KL: variants seen among roughly 807,000 people sequenced by gnomAD.
The protein encoded by KL is alpha-klotho.
Under a neutral mutation model 84.2 loss-of-function variants are expected in KL, and 62 were observed. The observed-to-expected ratio is 0.74, with a 90% confidence interval of 0.60 to 0.91. The LOEUF is 0.91. KL is among the 40% of genes least tolerant of loss of function. KL has a pLI of 0.00. For synonymous variants in KL, 528 were observed against 528.0 expected (o/e 1.00, Z 0.00); for missense variants, 1,261 against 1,305.7 (o/e 0.97, Z 0.53).
chr13:33,021,709 C>G (rs1010433085), intron 1 of KL, among the ~76,000 whole-genome samples: 2 of 151,960 alleles, frequency 1.3e-5, no homozygotes, highest in Non-Finnish European at 1.5e-5. Context: ...ATGGTGAAAC[C>G]CCGTCTCTAC....
chr13:33,063,615 A>G (rs1428464790), intron 4 of KL, among the ~76,000 whole-genome samples: 1 of 151,970 alleles, frequency 6.6e-6, no homozygotes, highest in Non-Finnish European at 1.5e-5. Flanking sequence ...TACTAAAAAA[A>G]AAAATACAAA....
At chr13:33,056,465 A>C in intron 3 of KL, among the ~76,000 whole-genome samples, 1 of 152,116 alleles carries the variant, frequency 6.6e-6, no homozygotes, top group Middle Eastern at 3.2e-3. Flanking sequence ...TTTTCAGACC[A>C]CCCAGTTCAT....
chr13:33,045,550 G>T (rs940839315), intron 1 of KL, among the ~76,000 whole-genome samples: 1 of 152,088 alleles, frequency 6.6e-6, no homozygotes, highest in Middle Eastern at 3.4e-3. Context: ...GCGTGATCTC[G>T]GCTCATCACA....
At chr13:33,046,206 A>C (rs1871523519) in intron 1 of KL, among the ~76,000 whole-genome samples, 1 of 152,244 alleles carries the variant, frequency 6.6e-6, no homozygotes, top group Non-Finnish European at 1.5e-5. Flanking sequence ...GAAGAGCTTG[A>C]AAAGAGTCGT....
At chr13:33,060,054 C>G (rs949181488) in intron 3 of KL, among the ~76,000 whole-genome samples, 15 of 152,168 alleles carry the variant, frequency 9.9e-5, no homozygotes, top group Admixed American at 9.8e-4. Flanking sequence ...GCCTTGACCT[C>G]CCAGGCTTAG....
At chr13:33,036,853 A>C (rs1670451910) in intron 1 of KL, among the ~76,000 whole-genome samples, 1 of 151,430 alleles carries the variant, frequency 6.6e-6, no homozygotes, top group African/African-American at 2.5e-5. Flanking sequence ...GTAAAACAAA[A>C]TAAAATAAAC....
chr13:33,063,001 G>T (rs1241509072), intron 4 of KL, among the ~76,000 whole-genome samples: 1 of 151,978 alleles, frequency 6.6e-6, no homozygotes, highest in African/African-American at 2.4e-5. Context: ...GAAAATGGTG[G>T]TGTTAGCATG....
chr13:33,040,681 C>A (rs1258355888), intron 1 of KL, among the ~76,000 whole-genome samples: 3 of 152,104 alleles, frequency 2.0e-5, no homozygotes, highest in African/African-American at 7.2e-5. Context: ...TGATAGATAA[C>A]AAAAAGCGGT....
intron 4 of KL, among the ~76,000 whole-genome samples, chr13:33,063,121 G>A (rs1044927800): frequency 1.3e-5 from 2 of 151,986 alleles, no homozygotes; most frequent in African/African-American, 4.8e-5. Context: ...CTGGACAGGA[G>A]CTGCCCCAAG....
At chr13:33,041,117 T>C (rs1332203496) in intron 1 of KL, among the ~76,000 whole-genome samples, 1 of 152,100 alleles carries the variant, frequency 6.6e-6, no homozygotes, top group East Asian at 1.9e-4. Flanking sequence ...AACTTATCAA[T>C]CATTACCCAG....
chr13:33,028,355 A>G (rs766061453), intron 1 of KL, among the ~76,000 whole-genome samples: 15 of 152,202 alleles, frequency 9.9e-5, no homozygotes, highest in Non-Finnish European at 1.9e-4. Flanking sequence ...TTTGATACTT[A>G]TCTAAACTGT....
chr13:33,022,469 C>G (rs1343508782), intron 1 of KL, among the ~76,000 whole-genome samples: 1 of 152,182 alleles, frequency 6.6e-6, no homozygotes. Context: ...TAAAAACACA[C>G]AGCTTATTGA....
At chr13:33,050,259 A>G (rs1340352338) in intron 1 of KL, among the ~76,000 whole-genome samples, 1 of 152,264 alleles carries the variant, frequency 6.6e-6, no homozygotes, top group Non-Finnish European at 1.5e-5. Context: ...TCTTAAGACA[A>G]CAAGCCTATA....
intron 3 of KL, among the ~76,000 whole-genome samples, chr13:33,060,018 C>T (rs1367627220): frequency 1.3e-5 from 2 of 152,166 alleles, no homozygotes; most frequent in East Asian, 1.9e-4. Flanking sequence ...GGCCGATGTA[C>T]AGTGATGTGA....
Position 33,061,447 on chromosome 13 carries a change from A to C in KL, c.2368A>C (p.Thr790Pro). ...QRNNFLLPYF[T>P]EDEKKLIQGT... Reference sequence around the variant, plus strand: ...AAACAATTTTCTTCTTCCTTATTTCACTGAAGATGAAAAAAAGCTAATCCA... The same window carrying C: ...AAACAATTTTCTTCTTCCTTATTTCCCTGAAGATGAAAAAAAGCTAATCCA... Residue 790 changes from threonine to proline, a missense_variant, in exon 4 of 5, where the codon ACT becomes CCT. Transcript: ENST00000380099. The C allele has an allele frequency of 6.2e-7, 1 of 1,614,076 alleles. No homozygotes were observed.
chr13:33,029,703 G>A (rs919286909), intron 1 of KL, among the ~76,000 whole-genome samples: 12 of 152,100 alleles, frequency 7.9e-5, no homozygotes, highest in Non-Finnish European at 1.3e-4. Context: ...GCACAATCTC[G>A]GCTCACTCCA....
intron 1 of KL, among the ~76,000 whole-genome samples, chr13:33,040,204 T>G (rs1212954794): frequency 1.3e-5 from 2 of 152,214 alleles, no homozygotes; most frequent in African/African-American, 4.8e-5. Context: ...AAATTCTGTC[T>G]TAAGGAACTG....
intron 1 of KL, among the ~76,000 whole-genome samples, chr13:33,044,617 C>T (rs1482048475): frequency 7.7e-6 from 1 of 130,560 alleles, no homozygotes; most frequent in Non-Finnish European, 1.7e-5. Flanking sequence ...GTTTTCTGTT[C>T]ATATATAAAT....
At position 33,019,742 on chromosome 13, in the gene KL, A is replaced by T. The variant is rs1176280505; in HGVS notation, c.819+2483A>T. ...GTGTGTGTGTGTGTGTGAGAGAGAGAGAGAGAGAGAGAGAGGAGACAGAAG... is the reference window on the plus strand; with the variant it reads ...GTGTGTGTGTGTGTGTGAGAGAGAGTGAGAGAGAGAGAGAGGAGACAGAAG... On this transcript the variant is annotated intron_variant, in intron 1 of 4. Transcript: ENST00000380099. 4.0e-5 allele frequency among the ~76,000 whole-genome samples: 6 copies of T among 150,148 alleles called. No homozygotes were observed. The East Asian group carries it at 7.8e-4, about 20-fold the overall frequency.
Sources: allele counts gnomAD v4.1 joint callset (sites outside exome capture counted in the v4.1 genomes callset), GRCh38; gene constraint gnomAD v4.1.1; transcripts MANE v1.5; gene names NCBI Gene and HGNC (gene_info 2026-07-23, HGNC 2026-07-21).